The following UPP2 variants were observed in gnomAD, a reference collection of about 807,000 sequenced individuals.
UPP2 encodes the protein UPase 2.
Under a neutral mutation model 26.7 loss-of-function variants are expected in UPP2, and 23 were observed. The observed-to-expected ratio is 0.86, with a 90% CI of 0.62 to 1.22. UPP2 has a LOEUF of 1.22. Among genes scored for constraint, UPP2 ranks in the 50% most tolerant of loss-of-function variants. UPP2 has a pLI of 0.00. For missense variants in UPP2, 387 were observed against 396.7 expected (o/e 0.98, Z 0.21); for synonymous variants, 127 against 141.3 (o/e 0.90, Z 0.72).
chr2:158,008,474 A>G (rs1217449501), intron 2 of UPP2, among the ~76,000 whole-genome samples: 1 of 152,206 alleles, frequency 6.6e-6, no homozygotes, highest in Admixed American at 6.5e-5. Flanking sequence ...TATTTGACTT[A>G]GGCTAACCTT....
At chr2:158,120,394 G>A (rs543922035) in intron 4 of UPP2, among the ~76,000 whole-genome samples, 8 of 152,060 alleles carry the variant, frequency 5.3e-5, no homozygotes, top group East Asian at 1.9e-4. Context: ...ATAGGCTTGC[G>A]GAGCTATAAT....
At position 158,117,901 on chromosome 2, in the gene UPP2, T is replaced by C. The variant is rs756428426; in HGVS notation, c.417T>C (p.Asp139=). ...IKLLHHARCC[D]VTIIRIGTSG... is the part of the protein sequence containing the mutation. ...TACTCCACCATGCACGGTGCTGCGA[T>C]GTCACCATTATTAGAATCGGTACAT... Residue 139 remains aspartate, a synonymous_variant, in exon 4 of 7, where the codon GAT becomes GAC. Transcript: ENST00000005756. 1.2e-6 allele frequency: 2 copies of C among 1,612,988 alleles called. No homozygotes were observed. Among genetic ancestry groups the C allele is most frequent in the East Asian group, 4.5e-5 (2 of 44,872 alleles).
intron 2 of UPP2, among the ~76,000 whole-genome samples, chr2:158,110,678 T>C (rs1198495982): frequency 1.3e-5 from 2 of 152,176 alleles, no homozygotes; most frequent in Non-Finnish European, 2.9e-5. Context: ...CAGCATCTGT[T>C]GTTTCCTGAC....
At position 158,023,235 on chromosome 2, in the gene UPP2, G is replaced by GGGGT. The variant is rs934569816; in HGVS notation, c.147+7352_147+7353insTGGG. 2.8e-5 allele frequency among the ~76,000 whole-genome samples: 4 copies of GGGGT among 144,426 alleles called. 1 individual carries two copies. Among genetic ancestry groups the GGGGT allele is most frequent in the Non-Finnish European group, 6.1e-5 (4 of 65,276 alleles). 94.7% of individuals were successfully genotyped at this position (144,426 alleles called of 152,430 possible). A position where few individuals can be genotyped will look rare whatever the true frequency, so the allele number is the denominator to read the frequency against. ...GTCATGGGGTTGCTGTCAGTTGGGGGGGGGCATTTGGAAGGCTTTCAGTCC... is the reference window on the plus strand; with the variant it reads ...GTCATGGGGTTGCTGTCAGTTGGGGGGGGTGGGGCATTTGGAAGGCTTTCAGTCC... On this transcript the variant is annotated intron_variant, in intron 3 of 9. Coordinates refer to the UPP2 transcript ENST00000605860.
At position 158,032,753 on chromosome 2, in the gene UPP2, A is replaced by G. The variant is rs143751670; in HGVS notation, c.147+16867A>G. On this transcript the variant is annotated intron_variant, in intron 3 of 9. Transcript: ENST00000605860. ...AATTAGAGAGCACTACAAAGGCTGG[A>G]TTCTGGAAATCCATGAGTTCCAGGT... is the stretch of plus-strand genomic sequence containing the variant. Among the ~76,000 whole-genome samples the G allele has an allele frequency of 1.8e-4, 28 of 152,292 alleles. 1 individual carries two copies. Among genetic ancestry groups the G allele is most frequent in the Middle Eastern group, 6.8e-3 (2 of 294 alleles).
At chr2:158,078,645 G>A (rs1336214379) in intron 3 of UPP2, among the ~76,000 whole-genome samples, 67 of 152,128 alleles carry the variant, frequency 4.4e-4, no homozygotes, top group Non-Finnish European at 4.4e-5. Context: ...GTAGCAGGGG[G>A]ATGGGAGTGG....
rs116561482 is a variant in UPP2, at chr2:158,015,385, G to A, written c.62-416G>A. ...TTTCACCTAACATGATATCCTCAAG[G>A]TTCAACCATGTTACAGCATGTGACA... On this transcript the variant is annotated intron_variant, in intron 2 of 9. Coordinates refer to the UPP2 transcript ENST00000605860. Among the ~76,000 whole-genome samples the A allele has an allele frequency of 3.3e-3, 506 of 152,176 alleles. 3 individuals are homozygous for A. Among genetic ancestry groups the A allele is most frequent in the Admixed American group, 5.3e-3 (81 of 15,276 alleles).
chr2:158,123,797 A>C lies in UPP2; in HGVS notation c.713A>C (p.Lys238Thr), dbSNP rs1457482547. The C allele has an allele frequency of 6.2e-7, 1 of 1,614,096 alleles. No individual in the cohort carries two copies. Among genetic ancestry groups the C allele is most frequent in the South Asian group, 1.1e-5 (1 of 91,080 alleles). ...GALCSFSREK[K>T]LDYLKRAFKA... ...CTGTGCTCCTTTTCCAGAGAAAAAA[A>C]GTTAGACTACTTGAAGAGAGCATTT... The change falls in exon 6 of 7, where the codon AAG becomes ACG. Residue 238 changes from lysine to threonine, a missense_variant. By Grantham distance (78) the Lys-to-Thr change is moderately conservative. Transcript: ENST00000005756.
chr2:158,048,595 CTA>C (rs1251819457), intron 3 of UPP2, among the ~76,000 whole-genome samples: 1 of 152,206 alleles, frequency 6.6e-6, no homozygotes, highest in Non-Finnish European at 1.5e-5. Flanking sequence ...CAGAATGAGA[CTA>C]TGTCTCAAAC....
At chr2:158,114,716 C>T (rs1005599651) in intron 2 of UPP2, among the ~76,000 whole-genome samples, 3 of 152,236 alleles carry the variant, frequency 2.0e-5, no homozygotes, top group Non-Finnish European at 4.4e-5. Flanking sequence ...TTTGCTCTTA[C>T]ATCACTCACG....
chr2:158,096,111 T>A (rs1216372475), intron 3 of UPP2, among the ~76,000 whole-genome samples: 3 of 152,144 alleles, frequency 2.0e-5, no homozygotes, highest in Non-Finnish European at 4.4e-5. Flanking sequence ...AGTTTTCTGT[T>A]GACTCTGAGG....
intron 3 of UPP2, among the ~76,000 whole-genome samples, chr2:158,091,204 G>A (rs542386193): frequency 3.9e-5 from 6 of 152,282 alleles, no homozygotes; most frequent in Middle Eastern, 6.8e-3. Flanking sequence ...CAAAACTGCT[G>A]CCTGGGGATG....
chr2:158,037,108 C>G (rs980111940), intron 3 of UPP2, among the ~76,000 whole-genome samples: 5 of 152,152 alleles, frequency 3.3e-5, no homozygotes, highest in Non-Finnish European at 7.3e-5. Context: ...GGTGTGGTGG[C>G]TCACACCTGT....
At chr2:158,022,482 A>AG (rs1683767328) in intron 3 of UPP2, among the ~76,000 whole-genome samples, 1 of 149,922 alleles carries the variant, frequency 6.7e-6, no homozygotes, top group Non-Finnish European at 1.5e-5. Context: ...AAAAAGTTCC[A>AG]TAAAGCTGTA....
chr2:158,119,153 C>T (rs1306408840), intron 4 of UPP2, among the ~76,000 whole-genome samples: 1 of 152,052 alleles, frequency 6.6e-6, no homozygotes, highest in African/African-American at 2.4e-5. Context: ...TTGTGGGTTA[C>T]AAGGATCTGC....
intron 3 of UPP2, among the ~76,000 whole-genome samples, chr2:158,019,379 G>A (rs559279065): frequency 1.3e-5 from 2 of 152,194 alleles, no homozygotes; most frequent in South Asian, 2.1e-4. Context: ...AGGACGGAGC[G>A]GGGAGTAGTA....
At chr2:158,104,976 G>A (rs13024270) in intron 1 of UPP2, among the ~76,000 whole-genome samples, 5 of 46,586 alleles carry the variant, frequency 1.1e-4, no homozygotes, top group Non-Finnish European at 1.9e-4. Flanking sequence ...GGAAGGGAAG[G>A]GAAGAGAAGG....
intron 3 of UPP2, among the ~76,000 whole-genome samples, chr2:158,087,179 T>C (rs1231490321): frequency 1.3e-5 from 2 of 152,186 alleles, no homozygotes; most frequent in African/African-American, 2.4e-5. Flanking sequence ...CAATGTTAGG[T>C]GCATATATGT....
intron 3 of UPP2, among the ~76,000 whole-genome samples, chr2:158,096,109 G>A (rs1360415377): frequency 6.6e-6 from 1 of 152,142 alleles, no homozygotes; most frequent in African/African-American, 2.4e-5. Context: ...AGAGTTTTCT[G>A]TTGACTCTGA....
Sources: allele counts gnomAD v4.1 joint callset (sites outside exome capture counted in the v4.1 genomes callset), GRCh38; gene constraint gnomAD v4.1.1; transcripts MANE v1.5; gene names NCBI Gene and HGNC (gene_info 2026-07-23, HGNC 2026-07-21).